ACBD3: variants seen among roughly 807,000 people sequenced by gnomAD.
ACBD3 encodes the protein Golgi resident protein GCP60.
Under a neutral mutation model 66.9 loss-of-function variants are expected in ACBD3, and 30 were observed. The observed-to-expected ratio is 0.45, with a 90% CI of 0.34 to 0.61. The LOEUF (loss-of-function observed/expected upper bound fraction) is 0.61. Ranked by LOEUF, ACBD3 falls within the 20% of genes least tolerant of loss-of-function variation. ACBD3 has a pLI of 0.02. For missense variants in ACBD3, 544 were observed against 664.5 expected (o/e 0.82, Z 1.99); for synonymous variants, 278 against 259.8 (o/e 1.07, Z -0.68).
In ACBD3 at chr1:226,159,374, A is replaced by T. The variant is rs1394320904; in HGVS notation, c.729-16T>A. 1.2e-6 allele frequency: 2 copies of T among 1,613,084 alleles called. No homozygotes were observed. Among genetic ancestry groups the T allele is most frequent in the Non-Finnish European group, 1.7e-6 (2 of 1,179,140 alleles). On this transcript the variant is annotated splice_polypyrimidine_tract_variant and intron_variant, in intron 4 of 7. Transcript: ENST00000366812. Reference sequence around the variant, plus strand: ...TATCTGCTGCCTAAAAACATTAAAAATATATATACTAGTCTGGCTACAGGA... The same window carrying T: ...TATCTGCTGCCTAAAAACATTAAAATTATATATACTAGTCTGGCTACAGGA...
At chr1:226,185,606 G>A (rs566791748) in intron 1 of ACBD3, among the ~76,000 whole-genome samples, 119 of 147,956 alleles carry the variant, frequency 8.0e-4, no homozygotes, top group African/African-American at 2.7e-3. Flanking sequence ...ATTCGACTAA[G>A]TGAATCACCC....
intron 1 of ACBD3, 28 bp from the exon 2 acceptor site, chr1:226,166,028 C>T: frequency 1.3e-6 from 2 of 1,591,598 alleles, no homozygotes; most frequent in Non-Finnish European, 1.7e-6. Flanking sequence ...ACAAAGAAAA[C>T]AATTAGCACA....
In ACBD3 at chr1:226,154,704, A is replaced by G. The variant is rs764827011; in HGVS notation, c.1033T>C (p.Ser345Pro). The G allele has an allele frequency of 2.5e-6, 4 of 1,613,410 alleles. No individual in the cohort carries two copies. Among genetic ancestry groups the G allele is most frequent in the South Asian group, 1.1e-5 (1 of 90,978 alleles). ...GCTTCTGGTTCCAGTTCTTTTTCGG[A>G]GCTGTCAGTGTGTGTTTTGGCCTGT... The part of the protein sequence containing the change: ...NGQAKTHTDS[S>P]EKELEPEAAE... The change falls in exon 6 of 8, where the codon TCC becomes CCC. Residue 345 changes from serine to proline, a missense_variant. Ser to Pro is a moderately conservative substitution (Grantham distance 74, BLOSUM62 -1). Coordinates refer to ENST00000366812, the MANE Select transcript of ACBD3 (RefSeq NM_022735.4).
At chr1:226,152,775 A>G (rs900363341) in intron 6 of ACBD3, among the ~76,000 whole-genome samples, 156 bp from the exon 7 acceptor site, 2 of 152,222 alleles carry the variant, frequency 1.3e-5, no homozygotes, top group African/African-American at 4.8e-5. Flanking sequence ...AAGCCTCCCC[A>G]TGGGAGTCTC....
intron 3 of ACBD3, among the ~76,000 whole-genome samples, chr1:226,162,239 T>G (rs1001797376): frequency 6.7e-6 from 1 of 150,020 alleles, no homozygotes; most frequent in Non-Finnish European, 1.5e-5. Context: ...TTGCCTAATA[T>G]GTAAAGACAT....
At chr1:226,168,972 C>T (rs959443156) in intron 1 of ACBD3, among the ~76,000 whole-genome samples, 1 of 152,054 alleles carries the variant, frequency 6.6e-6, no homozygotes, top group Non-Finnish European at 1.5e-5. Flanking sequence ...AAGTGATTCT[C>T]CTGCCTCAGC....
Position 226,186,682 on chromosome 1 carries a change from C to G in ACBD3, c.-7G>C. The G allele has an allele frequency of 1.3e-6, 2 of 1,492,022 alleles. No individual in the cohort carries two copies. The highest frequency in any genetic ancestry group is 2.9e-5 in the African/African-American group (2 of 69,640). 92.4% of individuals were successfully genotyped at this position (1,492,022 alleles called of 1,614,324 possible). ...CGTTCAGCACCGCCGCCATCTCCGG[C>G]TGCTGCACCTCCTCAGCGGGGACAG... On this transcript the variant is annotated 5_prime_UTR_variant, in exon 1 of 8. Transcript: ENST00000366812.
At chr1:226,149,478 C>T (rs553663948) in intron 7 of ACBD3, among the ~76,000 whole-genome samples, 36 of 145,258 alleles carry the variant, frequency 2.5e-4, no homozygotes, top group Non-Finnish European at 3.9e-4. Context: ...TCACCCACCT[C>T]AGGCTCCCAA....
chr1:226,166,967 T>C (rs1273550465), intron 1 of ACBD3, among the ~76,000 whole-genome samples: 1 of 151,710 alleles, frequency 6.6e-6, no homozygotes, highest in Non-Finnish European at 1.5e-5. Flanking sequence ...TGGTTAATTT[T>C]TTACTTTTTG....
intron 7 of ACBD3, among the ~76,000 whole-genome samples, chr1:226,150,254 T>C (rs1206834023): frequency 1.3e-5 from 2 of 151,934 alleles, no homozygotes; most frequent in African/African-American, 4.8e-5. Flanking sequence ...TGTCGAGATG[T>C]GGTGTCACTC....
At chr1:226,166,195 GC>G (rs1271325891) in intron 1 of ACBD3, among the ~76,000 whole-genome samples, 195 bp from the exon 2 acceptor site, 1 of 151,966 alleles carries the variant, frequency 6.6e-6, no homozygotes, top group Non-Finnish European at 1.5e-5. Flanking sequence ...TCACTCTGTT[GC>G]CCAGGCTGGA....
At position 226,152,531 on chromosome 1, in the gene ACBD3, G is replaced by A. The variant is rs114674626; in HGVS notation, c.1179C>T (p.Ser393=). 1.1e-4 allele frequency: 183 copies of A among 1,614,156 alleles called. No individual in the cohort carries two copies. In the African/African-American group the frequency reaches 1.9e-3, roughly 17 times the overall value. The part of the protein sequence containing the change: ...FKEKIQQDAD[S]VITVGRGEVV... Reference sequence around the variant, plus strand: ...CTTCTCCTCGGCCCACTGTAATCACGGAATCTGCATCCTGCTGAATCTTCT... The same window carrying A: ...CTTCTCCTCGGCCCACTGTAATCACAGAATCTGCATCCTGCTGAATCTTCT... The change falls in exon 7 of 8, where the codon TCC becomes TCT. Residue 393 remains serine, a synonymous_variant. Transcript: ENST00000366812.
chr1:226,182,316 G>A (rs747731829), intron 1 of ACBD3, among the ~76,000 whole-genome samples: 20 of 151,820 alleles, frequency 1.3e-4, no homozygotes, highest in South Asian at 6.2e-4. Context: ...CAAAAAGGCC[G>A]AACTATTAAT....
intron 1 of ACBD3, among the ~76,000 whole-genome samples, chr1:226,167,147 A>G (rs980918072): frequency 1.3e-5 from 2 of 152,260 alleles, no homozygotes; most frequent in Non-Finnish European, 2.9e-5. Context: ...CCAAAAGAGA[A>G]AAGAAAAACT....
At chr1:226,147,775 CTA>C (rs1659486723) in intron 7 of ACBD3, among the ~76,000 whole-genome samples, 1 of 152,018 alleles carries the variant, frequency 6.6e-6, no homozygotes, top group South Asian at 2.1e-4. Context: ...AACTGTAATG[CTA>C]TGAGGTTAGG....
At chr1:226,149,229 A>AT (rs530087804) in intron 7 of ACBD3, among the ~76,000 whole-genome samples, 2,596 of 144,296 alleles carry the variant, frequency 0.018, 81 homozygotes, top group East Asian at 0.15. Context: ...AAGCTCTTTC[A>AT]TTTTTTTTTT....
chr1:226,175,143 G>A (rs181330947), intron 1 of ACBD3, among the ~76,000 whole-genome samples: 153 of 150,566 alleles, frequency 1.0e-3, no homozygotes, highest in East Asian at 7.8e-3. Flanking sequence ...GCAATGAATG[G>A]AATAATGCCT....
chr1:226,154,444 T>G (rs990076971), intron 6 of ACBD3, among the ~76,000 whole-genome samples: 2 of 152,152 alleles, frequency 1.3e-5, no homozygotes, highest in East Asian at 3.8e-4. Context: ...GTCTTAAAAG[T>G]GTCCAAAGAC....
intron 6 of ACBD3, among the ~76,000 whole-genome samples, chr1:226,154,024 G>T (rs1393992655): frequency 6.6e-6 from 1 of 152,208 alleles, no homozygotes; most frequent in South Asian, 2.1e-4. Flanking sequence ...CCAAAAGCCA[G>T]CCATGTGAGG....
Sources: allele counts gnomAD v4.1 joint callset (sites outside exome capture counted in the v4.1 genomes callset), GRCh38; gene constraint gnomAD v4.1.1; transcripts MANE v1.5; gene names NCBI Gene and HGNC (gene_info 2026-07-23, HGNC 2026-07-21).